ANK3: variants seen among roughly 807,000 people sequenced by gnomAD.
The protein encoded by ANK3 is ankyrin-3.
In ANK3, 57 loss-of-function variants were observed where a neutral mutation model predicts 370.9. The observed-to-expected ratio is 0.15, with a 90% CI of 0.12 to 0.19. The LOEUF is 0.19. Ranked by LOEUF, ANK3 falls within the 10% of genes least tolerant of loss-of-function variation. The probability of loss-of-function intolerance (pLI) is 1.00; values close to 1 mark genes in which losing one functional copy is unlikely to be tolerated. For synonymous variants in ANK3, 1,929 were observed against 1,946.3 expected (o/e 0.99, Z 0.23); for missense variants, 4,439 against 5,302.1 (o/e 0.84, Z 5.06).
Position 60,389,665 on chromosome 10 carries a change from G to T in ANK3, c.-127C>A. ...GAGAGAAAGCTTTGACTAGAAGCAG[G>T]AAGATATTCACAATGCAAAGATGCT... On this transcript the variant is annotated 5_prime_UTR_variant, in exon 1 of 44. Coordinates refer to ENST00000280772, the MANE Select transcript of ANK3 (RefSeq NM_020987.5). The T allele has an allele frequency of 6.8e-7, 1 of 1,480,796 alleles. No individual in the cohort carries two copies. The highest frequency in any genetic ancestry group is 8.9e-7 in the Non-Finnish European group (1 of 1,121,748). 91.7% of individuals were successfully genotyped at this position (1,480,796 alleles called of 1,614,324 possible).
chr10:60,528,053 A>T (rs957888427), intron 2 of ANK3, among the ~76,000 whole-genome samples: 2 of 152,116 alleles, frequency 1.3e-5, no homozygotes, highest in Non-Finnish European at 2.9e-5. Context: ...ACGATCCATA[A>T]GCAAACAAAA....
At chr10:60,630,844 G>A (rs1449052047) in intron 1 of ANK3, among the ~76,000 whole-genome samples, 1 of 152,172 alleles carries the variant, frequency 6.6e-6, no homozygotes, top group Non-Finnish European at 1.5e-5. Context: ...TTATGACTGT[G>A]TGGACAATGG....
chr10:60,206,550 T>C (rs2096765930), intron 10 of ANK3, among the ~76,000 whole-genome samples: 1 of 151,318 alleles, frequency 6.6e-6, no homozygotes, highest in Non-Finnish European at 1.5e-5. Context: ...GCCCCAACAT[T>C]TGTCCTCACA....
chr10:60,538,016 C>T (rs908981964), intron 2 of ANK3, among the ~76,000 whole-genome samples: 1 of 151,760 alleles, frequency 6.6e-6, no homozygotes, highest in East Asian at 1.9e-4. Context: ...AAAATTTGAG[C>T]ACATCAAAAA....
intron 2 of ANK3, among the ~76,000 whole-genome samples, chr10:60,474,619 T>C (rs2075010262): frequency 6.6e-6 from 1 of 152,238 alleles, no homozygotes; most frequent in Non-Finnish European, 1.5e-5. Context: ...AATTGTGGCC[T>C]TTCAAATAGT....
intron 1 of ANK3, among the ~76,000 whole-genome samples, chr10:60,382,797 C>CTATATCTA (rs1045326313): frequency 7.5e-6 from 1 of 133,744 alleles, no homozygotes; most frequent in African/African-American, 2.7e-5. Context: ...ATACCTAAAT[C>CTATATCTA]TATATATATA....
At chr10:60,211,328 G>C (rs978946416) in intron 9 of ANK3, among the ~76,000 whole-genome samples, 9 of 152,058 alleles carry the variant, frequency 5.9e-5, no homozygotes, top group Non-Finnish European at 1.2e-4. Context: ...CAGTGACGAG[G>C]ATCTGGACCA....
intron 2 of ANK3, among the ~76,000 whole-genome samples, chr10:60,451,088 G>A (rs7089604): frequency 0.24 from 35,790 of 152,074 alleles, 4,352 homozygotes; most frequent in South Asian, 0.33. Flanking sequence ...GGAGAGGCAC[G>A]GGAGGAAGGT....
chr10:60,600,137 C>T (rs1328021072), intron 2 of ANK3, among the ~76,000 whole-genome samples: 1 of 152,156 alleles, frequency 6.6e-6, no homozygotes, highest in African/African-American at 2.4e-5. Context: ...AAAGCTCCTA[C>T]TTTTAACTGG....
intron 23 of ANK3, chr10:60,144,194 C>T (rs987734659): frequency 9.0e-6 from 4 of 445,798 alleles, no homozygotes; most frequent in East Asian, 7.5e-5. Context: ...CACTGAGTTT[C>T]GGGGAGGCTG....
intron 1 of ANK3, among the ~76,000 whole-genome samples, chr10:60,363,305 C>T (rs2058907408): frequency 6.6e-6 from 1 of 152,324 alleles, no homozygotes; most frequent in East Asian, 1.9e-4. Context: ...CAGCAGCTGT[C>T]TACCTTCAGA....
chr10:60,529,498 T>C (rs757030713), intron 2 of ANK3, among the ~76,000 whole-genome samples: 1 of 152,140 alleles, frequency 6.6e-6, no homozygotes. Flanking sequence ...TATATGGACA[T>C]GTTTGGGGGC....
chr10:60,703,543 T>C (rs1160872379), intron 1 of ANK3, among the ~76,000 whole-genome samples: 2 of 152,196 alleles, frequency 1.3e-5, no homozygotes, highest in East Asian at 3.9e-4. Flanking sequence ...GTTTCTATCT[T>C]CAAACACCAA....
chr10:60,234,619 A>G, intron 8 of ANK3, 69 bp downstream of exon 8: 1 of 902,880 alleles, frequency 1.1e-6, no homozygotes, highest in Non-Finnish European at 1.8e-6. Context: ...TATCAGTGCA[A>G]AGGTATCAGG....
In ANK3 at chr10:60,082,616, T is replaced by G; in HGVS notation, c.4322A>C (p.Lys1441Thr). Residue 1441 changes from lysine to threonine, a missense_variant and splice_region_variant, in exon 34 of 44, where the codon AAG (lysine) becomes ACG (threonine). By Grantham distance (78) the Lys-to-Thr change is moderately conservative. Transcript: ENST00000280772. ...ATTTAAAGCAGTATTAAAAGATACC[T>G]TTTTATGTGCTGGCAGAGTGATATT... Reference protein sequence around the residue: ...NLNITLPAHKKETESDQDDEI... With the variant: ...NLNITLPAHKTETESDQDDEI... 1.2e-6 allele frequency: 2 copies of G among 1,613,606 alleles called. No individual in the cohort carries two copies. The highest frequency in any genetic ancestry group is 1.7e-6 in the Non-Finnish European group (2 of 1,179,828).
At chr10:60,559,229 T>A (rs1346605998) in intron 2 of ANK3, among the ~76,000 whole-genome samples, 1 of 152,190 alleles carries the variant, frequency 6.6e-6, no homozygotes, top group African/African-American at 2.4e-5. Flanking sequence ...CAGTGTACAC[T>A]GTACCCATTG....
chr10:60,728,351 T>C (rs933001006), intron 1 of ANK3, among the ~76,000 whole-genome samples: 4 of 152,204 alleles, frequency 2.6e-5, no homozygotes, highest in Non-Finnish European at 5.9e-5. Flanking sequence ...AACTAACAAA[T>C]GTTTGTTGTC....
Position 60,074,850 on chromosome 10 carries a change from A to G in ANK3, c.6031T>C (p.Ser2011Pro), listed in dbSNP as rs757302683. ...TTTACTTGCACTCTCTCTGGCAGAG[A>G]TGGAGACTGGCTCGCAGCAGCTTGT... ...RQQAAASQSP[S>P]LPERVQVKAK... The change falls in exon 37 of 44, where the codon TCT (serine) becomes CCT (proline). Residue 2011 changes from serine (S) to proline (P), a missense_variant. By Grantham distance (74) the Ser-to-Pro change is moderately conservative. Transcript: ENST00000280772. 2 of 1,613,634 alleles carry G rather than the reference A, an allele frequency of 1.2e-6. No homozygotes were observed.
intron 2 of ANK3, among the ~76,000 whole-genome samples, chr10:60,531,410 T>C (rs1232966023): frequency 6.6e-6 from 1 of 152,124 alleles, no homozygotes; most frequent in Admixed American, 6.6e-5. Flanking sequence ...TAAATATCTC[T>C]GGAAAGATAC....
Sources: gnomAD v4.1 joint callset for allele counts (sites outside exome capture counted in the v4.1 genomes callset) on GRCh38, gnomAD v4.1.1 for gene constraint, MANE v1.5 for transcripts, NCBI Gene and HGNC (gene_info 2026-07-23, HGNC 2026-07-21) for gene names.